The following C1orf185 variants were observed in gnomAD, a reference collection of about 807,000 sequenced individuals.
C1orf185 encodes the protein uncharacterized protein C1orf185.
In C1orf185, 13 loss-of-function variants were observed where a neutral mutation model predicts 16.1. The observed-to-expected ratio is 0.81, with a 90% CI of 0.53 to 1.28. The LOEUF (loss-of-function observed/expected upper bound fraction) is 1.28, where lower values mean the gene tolerates loss of function less well. C1orf185 is among the 50% of genes most tolerant of loss of function. C1orf185 has a pLI of 0.00. For synonymous variants in C1orf185, 80 were observed against 76.9 expected (o/e 1.04, Z -0.21); for missense variants, 220 against 225.2 (o/e 0.98, Z 0.15).
chr1:51,106,369 A>C (rs1480228637), intron 1 of C1orf185, among the ~76,000 whole-genome samples: 3 of 151,828 alleles, frequency 2.0e-5, no homozygotes, highest in African/African-American at 2.4e-5. Flanking sequence ...CTCTCTCCCT[A>C]TCTCTCTTTT....
chr1:51,127,398 C>T (rs967209267), intron 3 of C1orf185, among the ~76,000 whole-genome samples: 3 of 152,068 alleles, frequency 2.0e-5, no homozygotes, highest in Non-Finnish European at 2.9e-5. Flanking sequence ...AAGCGATTCT[C>T]CTGCCTCAGC....
intron 1 of C1orf185, among the ~76,000 whole-genome samples, chr1:51,107,850 G>T (rs1646085392): frequency 6.6e-6 from 1 of 152,094 alleles, no homozygotes; most frequent in South Asian, 2.1e-4. Flanking sequence ...TAAATATTTT[G>T]TTTTCTTTAA....
chr1:51,146,577 AT>A (rs1404794968), intron 4 of C1orf185, among the ~76,000 whole-genome samples: 2 of 152,104 alleles, frequency 1.3e-5, no homozygotes, highest in Non-Finnish European at 2.9e-5. Context: ...TAGATATTAT[AT>A]TTTCTAAAAC....
chr1:51,103,314 G>C (rs1646045478), intron 1 of C1orf185, among the ~76,000 whole-genome samples: 1 of 151,690 alleles, frequency 6.6e-6, no homozygotes, highest in African/African-American at 2.4e-5. Flanking sequence ...GCTGAGGTGG[G>C]AGGATCAGCT....
chr1:51,131,746 C>A (rs1406520979), intron 3 of C1orf185, among the ~76,000 whole-genome samples: 3 of 152,298 alleles, frequency 2.0e-5, no homozygotes, highest in Non-Finnish European at 1.5e-5. Context: ...CTAAAATAAG[C>A]AATGATTGGC....
chr1:51,103,450 A>ACACACACACAC (rs756442424), intron 1 of C1orf185, among the ~76,000 whole-genome samples: 36 of 51,914 alleles, frequency 6.9e-4, no homozygotes, highest in East Asian at 2.0e-3. Context: ...CACACACACA[A>ACACACACACAC]AAACCACGAA....
chr1:51,144,755 C>G (rs563975177), intron 3 of C1orf185, among the ~76,000 whole-genome samples: 2 of 151,982 alleles, frequency 1.3e-5, no homozygotes, highest in Non-Finnish European at 2.9e-5. Flanking sequence ...TAAAAGTATC[C>G]TAAATAAGCT....
intron 2 of C1orf185, among the ~76,000 whole-genome samples, chr1:51,113,501 T>C (rs966595765): frequency 1.3e-5 from 2 of 152,014 alleles, no homozygotes; most frequent in Non-Finnish European, 2.9e-5. Flanking sequence ...CTGGCCAAAA[T>C]GGTGAAACCC....
rs117786135 is a variant in C1orf185 at position 51,144,228 on chromosome 1, C to A, written c.259-1496C>A. ...GCAGACTCTTATACCCCATTCCAGACCTTCCGAGTCAGAATCTGCATTTTA... is the reference window on the plus strand; with the variant it reads ...GCAGACTCTTATACCCCATTCCAGAACTTCCGAGTCAGAATCTGCATTTTA... On this transcript the variant is annotated intron_variant, in intron 3 of 4. Transcript: ENST00000371759. 5.4e-4 allele frequency among the ~76,000 whole-genome samples: 82 copies of A among 152,258 alleles called. 1 individual carries two copies. The East Asian group carries it at 0.011, about 21-fold the overall frequency.
chr1:51,104,632 G>A (rs1227088478), intron 1 of C1orf185, among the ~76,000 whole-genome samples: 1 of 152,130 alleles, frequency 6.6e-6, no homozygotes, highest in Non-Finnish European at 1.5e-5. Context: ...AAGAAGTTTG[G>A]CTATAAATGG....
intron 3 of C1orf185, among the ~76,000 whole-genome samples, chr1:51,143,004 T>A (rs528873990): frequency 3.9e-4 from 60 of 152,162 alleles, no homozygotes; most frequent in Non-Finnish European, 7.1e-4. Flanking sequence ...CCTCAGGGGA[T>A]CCACCTGCCT....
At chr1:51,140,107 T>C (rs904438431) in intron 3 of C1orf185, among the ~76,000 whole-genome samples, 1 of 152,202 alleles carries the variant, frequency 6.6e-6, no homozygotes, top group African/African-American at 2.4e-5. Flanking sequence ...GGAACAGTAA[T>C]GCGCTCTACT....
At chr1:51,133,714 C>T (rs1220694275) in intron 3 of C1orf185, among the ~76,000 whole-genome samples, 1 of 152,246 alleles carries the variant, frequency 6.6e-6, no homozygotes, top group African/African-American at 2.4e-5. Flanking sequence ...GCCTGATAGA[C>T]ATCTGCAGAA....
intron 2 of C1orf185, among the ~76,000 whole-genome samples, chr1:51,117,136 A>G (rs1484861453): frequency 6.6e-6 from 1 of 152,174 alleles, no homozygotes; most frequent in Non-Finnish European, 1.5e-5. Flanking sequence ...CTACCACTAT[A>G]TATACAACAT....
Position 51,108,313 on chromosome 1 carries a change from G to A in C1orf185, c.17-4151G>A, listed in dbSNP as rs138700635. On this transcript the variant is annotated intron_variant, in intron 1 of 4. Coordinates refer to ENST00000371759, the MANE Select transcript of C1orf185 (RefSeq NM_001136508.2). The stretch of plus-strand genomic sequence containing the variant: ...AAATTTTTGGTTTTTTTTAATTGAC[G>A]TAATTGTGCACATTTATGGGGTACA... Among the ~76,000 whole-genome samples the A allele has an allele frequency of 1.5e-4, 22 of 151,520 alleles. No homozygotes were observed. In the East Asian group the frequency reaches 1.6e-3, roughly 11 times the overall value.
At chr1:51,146,179 C>T (rs1646399473) in intron 4 of C1orf185, among the ~76,000 whole-genome samples, 1 of 151,712 alleles carries the variant, frequency 6.6e-6, no homozygotes, top group Non-Finnish European at 1.5e-5. Context: ...TATGTTTAGA[C>T]CAGGCGTGGT....
intron 1 of C1orf185, 66 bp from the exon 2 acceptor site, chr1:51,112,398 C>A: frequency 7.9e-7 from 1 of 1,273,086 alleles, no homozygotes; most frequent in South Asian, 1.4e-5. Context: ...TGAAGTTTAT[C>A]ATTCAGTTTT....
intron 2 of C1orf185, among the ~76,000 whole-genome samples, chr1:51,112,816 C>CTTTT (rs202031236): frequency 7.0e-6 from 1 of 142,786 alleles, no homozygotes; most frequent in African/African-American, 2.6e-5. Flanking sequence ...ACTTTCTTTT[C>CTTTT]TTTTTTTTTT....
chr1:51,115,830 G>A (rs1327556928), intron 2 of C1orf185, among the ~76,000 whole-genome samples: 1 of 152,190 alleles, frequency 6.6e-6, no homozygotes, highest in Non-Finnish European at 1.5e-5. Flanking sequence ...AAGTAGAGGA[G>A]ATGAAAAGAT....
Sources: gnomAD v4.1 joint callset for allele counts (sites outside exome capture counted in the v4.1 genomes callset) on GRCh38, gnomAD v4.1.1 for gene constraint, MANE v1.5 for transcripts, NCBI Gene and HGNC (gene_info 2026-07-23, HGNC 2026-07-21) for gene names.